The following ZMIZ1 variants were observed in gnomAD, a reference collection of about 807,000 sequenced individuals.
ZMIZ1 encodes zinc finger MIZ-type containing 1, also known as zinc finger MIZ domain-containing protein 1.
Under a neutral mutation model 113.9 loss-of-function variants are expected in ZMIZ1, and 17 were observed. That is an observed-to-expected ratio of 0.15 (90% CI 0.10 to 0.22). The LOEUF (loss-of-function observed/expected upper bound fraction) is 0.22, where lower values mean the gene tolerates loss of function less well. Among genes scored for constraint, ZMIZ1 ranks in the 10% least tolerant of loss-of-function variants. The pLI, the probability that ZMIZ1 is intolerant of heterozygous loss-of-function variation, is 1.00. For synonymous variants in ZMIZ1, 607 were observed against 603.1 expected (o/e 1.01, Z -0.09); for missense variants, 1,059 against 1,477.8 (o/e 0.72, Z 4.65).
At chr10:79,120,450 G>C (rs1844242606) in intron 2 of ZMIZ1, among the ~76,000 whole-genome samples, 1 of 152,230 alleles carries the variant, frequency 6.6e-6, no homozygotes, top group South Asian at 2.1e-4. Flanking sequence ...ATCGGCAAAA[G>C]CTTCCAGCAG....
At chr10:79,267,459 A>G (rs572354324) in intron 7 of ZMIZ1, among the ~76,000 whole-genome samples, 1 of 152,378 alleles carries the variant, frequency 6.6e-6, no homozygotes, top group South Asian at 2.1e-4. Context: ...AATGCTTTCT[A>G]CATGCCTGGT....
intron 7 of ZMIZ1, among the ~76,000 whole-genome samples, chr10:79,265,977 C>T (rs914991929): frequency 1.3e-5 from 2 of 152,200 alleles, no homozygotes. Flanking sequence ...AGGCAGTCCA[C>T]CCCAAGTGTG....
chr10:79,231,435 G>C (rs550831414), intron 7 of ZMIZ1, among the ~76,000 whole-genome samples: 1 of 152,098 alleles, frequency 6.6e-6, no homozygotes, highest in Non-Finnish European at 1.5e-5. Flanking sequence ...GTAGAGATGG[G>C]GTTTCACTGT....
chr10:79,090,238 G>C (rs975987119), intron 1 of ZMIZ1, among the ~76,000 whole-genome samples: 1 of 152,240 alleles, frequency 6.6e-6, no homozygotes, highest in African/African-American at 2.4e-5. Flanking sequence ...GGGGTGCTTA[G>C]TGTTTTGTGG....
intron 5 of ZMIZ1, among the ~76,000 whole-genome samples, chr10:79,203,195 C>T (rs1382225313): frequency 6.6e-6 from 1 of 152,176 alleles, no homozygotes; most frequent in South Asian, 2.1e-4. Flanking sequence ...AGGACCCAGA[C>T]GGAGCCTCCC....
chr10:79,101,649 A>T (rs1364080676), intron 1 of ZMIZ1, among the ~76,000 whole-genome samples: 1 of 152,064 alleles, frequency 6.6e-6, no homozygotes, highest in Non-Finnish European at 1.5e-5. Context: ...GGTAGTCTCT[A>T]GGTAGGCAAC....
intron 5 of ZMIZ1, among the ~76,000 whole-genome samples, chr10:79,202,189 G>GGAAAAAAAAAAAA (rs1564716548): frequency 1.9e-5 from 1 of 52,636 alleles, no homozygotes; most frequent in Non-Finnish European, 3.8e-5. Flanking sequence ...CCCTGTCTCA[G>GGAAAAAAAAAAAA]AAAAAAAAAA....
intron 1 of ZMIZ1, among the ~76,000 whole-genome samples, chr10:79,073,747 C>T (rs777787988): frequency 1.6e-4 from 24 of 152,002 alleles, no homozygotes; most frequent in Non-Finnish European, 2.9e-4. Context: ...TCACTGTCAT[C>T]TGCCTTTGTG....
At chr10:79,246,960 G>A (rs1045418551) in intron 7 of ZMIZ1, among the ~76,000 whole-genome samples, 2 of 152,214 alleles carry the variant, frequency 1.3e-5, no homozygotes, top group African/African-American at 2.4e-5. Context: ...TCTCCCAGTG[G>A]GAACGTGTGG....
intron 11 of ZMIZ1, chr10:79,293,003 C>T (rs1284324653): frequency 2.3e-6 from 1 of 444,418 alleles, no homozygotes; most frequent in South Asian, 1.9e-5. Context: ...TGCAGTCTCA[C>T]TCGGGCTCCT....
At chr10:79,303,930 C>G in intron 18 of ZMIZ1, 85 bp from the exon 19 acceptor site, 1 of 1,556,322 alleles carries the variant, frequency 6.4e-7, no homozygotes, top group South Asian at 1.2e-5. Flanking sequence ...CCCAGCTGCA[C>G]GAGGAAGTGG....
Position 79,296,796 on chromosome 10 carries a change from T to C in ZMIZ1, c.1413+143T>C. 1.4e-6 allele frequency: 1 copy of C among 726,762 alleles called. No individual in the cohort carries two copies. Among genetic ancestry groups the C allele is most frequent in the South Asian group, 3.6e-5 (1 of 28,010 alleles). The allele number at this position is 726,762 out of a possible 1,614,324, so 45.0% of individuals were successfully genotyped here. On this transcript the variant is annotated intron_variant, in intron 13 of 24. Transcript: ENST00000334512. The surrounding 1 kb of genome is among the most constrained non-coding windows in gnomAD (Gnocchi z 4.1). Reference sequence around the variant, plus strand: ...TGGGTGATTTCTGAACGTCCCCATGTGTTCAGGGCGAAGTTCGGTGGCCAG... The same window carrying C: ...TGGGTGATTTCTGAACGTCCCCATGCGTTCAGGGCGAAGTTCGGTGGCCAG...
intron 4 of ZMIZ1, among the ~76,000 whole-genome samples, chr10:79,184,510 A>G (rs931931614): frequency 2.0e-5 from 3 of 152,200 alleles, no homozygotes; most frequent in African/African-American, 7.2e-5. Flanking sequence ...CACTTAGCAC[A>G]GCTCCCAGAG....
intron 2 of ZMIZ1, among the ~76,000 whole-genome samples, chr10:79,134,338 G>A (rs1844901755): frequency 6.6e-6 from 1 of 152,248 alleles, no homozygotes; most frequent in African/African-American, 2.4e-5. Flanking sequence ...AGTGACCAGG[G>A]ACAGAGTCAG....
intron 8 of ZMIZ1, among the ~76,000 whole-genome samples, chr10:79,279,331 G>A (rs1468716358): frequency 6.6e-6 from 1 of 150,514 alleles, no homozygotes; most frequent in Non-Finnish European, 1.5e-5. Context: ...AGACGGGGTC[G>A]CGGCCGGGCA....
At chr10:79,210,960 A>G (rs909153404) in intron 6 of ZMIZ1, among the ~76,000 whole-genome samples, 1 of 151,878 alleles carries the variant, frequency 6.6e-6, no homozygotes, top group African/African-American at 2.4e-5. Context: ...GACAGTGCCC[A>G]CTCTCCTGGG....
At chr10:79,145,704 C>A (rs1018589602) in intron 3 of ZMIZ1, among the ~76,000 whole-genome samples, 19 of 152,146 alleles carry the variant, frequency 1.2e-4, no homozygotes, top group Non-Finnish European at 2.5e-4. Flanking sequence ...GAGGGAGGGG[C>A]TTGGCCAGAA....
chr10:79,205,787 G>C (rs1169964339), intron 5 of ZMIZ1, among the ~76,000 whole-genome samples: 1 of 152,192 alleles, frequency 6.6e-6, no homozygotes, highest in Non-Finnish European at 1.5e-5. Flanking sequence ...CAAGGGCACA[G>C]AGAGGGGAGG....
chr10:79,316,439 A>C lies in ZMIZ1; in HGVS notation c.*3690A>C, dbSNP rs1250655294. 1 of 152,808 alleles carries C rather than the reference A, an allele frequency of 6.5e-6. No homozygotes were observed. Among genetic ancestry groups the C allele is most frequent in the African/African-American group, 2.4e-5 (1 of 41,466 alleles). 9.5% of individuals were successfully genotyped at this position (152,808 alleles called of 1,614,324 possible). A position where few individuals can be genotyped will look rare whatever the true frequency, so the allele number is the denominator to read the frequency against. On this transcript the variant is annotated 3_prime_UTR_variant, in exon 25 of 25. Coordinates refer to ENST00000334512, the MANE Select transcript of ZMIZ1 (RefSeq NM_020338.4). ...GATCAAATTATTTGACTATTGCTAG[A>C]CATTTCTATACTCTGTTGTAACACT... is the stretch of plus-strand genomic sequence containing the variant.
Sources: gnomAD v4.1 joint callset for allele counts (sites outside exome capture counted in the v4.1 genomes callset) on GRCh38, gnomAD v4.1.1 for gene constraint, Gnocchi (gnomAD v3.1) non-coding constraint, MANE v1.5 for transcripts, NCBI Gene and HGNC (gene_info 2026-07-23, HGNC 2026-07-21) for gene names.